Variants in LARGE1 observed in about 807,000 individuals in gnomAD.
The protein encoded by LARGE1 is LARGE xylosyl- and glucuronyltransferase 1, also known as xylosyl- and glucuronyltransferase LARGE1.
Under a neutral mutation model 87.6 loss-of-function variants are expected in LARGE1, and 43 were observed. The observed-to-expected ratio is 0.49, with a 90% CI of 0.38 to 0.63. The LOEUF is 0.63. LARGE1 is among the 30% of genes least tolerant of loss of function. LARGE1 has a pLI of 0.00. For missense variants in LARGE1, 802 were observed against 1,000.2 expected (o/e 0.80, Z 2.67); for synonymous variants, 434 against 394.6 (o/e 1.10, Z -1.18).
chr22:33,805,990 A>T (rs934137068), intron 1 of LARGE1, among the ~76,000 whole-genome samples: 6 of 152,210 alleles, frequency 3.9e-5, no homozygotes, highest in African/African-American at 1.4e-4. Context: ...AGAGGCATTT[A>T]TTTAGTGCAT....
intron 2 of LARGE1, among the ~76,000 whole-genome samples, chr22:33,734,144 T>C (rs1414944039): frequency 6.6e-6 from 1 of 152,188 alleles, no homozygotes; most frequent in African/African-American, 2.4e-5. Flanking sequence ...TGTGTCCAAA[T>C]TTCCCCTCTG....
rs554000525 is a variant in LARGE1, at chr22:33,903,192, T to C, written c.-83+16803A>G. On this transcript the variant is annotated intron_variant, in intron 1 of 14. Transcript: ENST00000397394. ...CATTAGGGTGGGCCCTAATCTACTATGACTGATGTCCTAATAACAGGAAGA... is the reference window on the plus strand; with the variant it reads ...CATTAGGGTGGGCCCTAATCTACTACGACTGATGTCCTAATAACAGGAAGA... 3.9e-4 allele frequency among the ~76,000 whole-genome samples: 59 copies of C among 152,288 alleles called. 1 individual carries two copies. The South Asian group carries it at 0.012, about 32-fold the overall frequency.
At chr22:33,340,980 T>G (rs891958747) in intron 9 of LARGE1, among the ~76,000 whole-genome samples, 1 of 149,342 alleles carries the variant, frequency 6.7e-6, no homozygotes, top group African/African-American at 2.6e-5. Context: ...AGCTTTTCCC[T>G]CAATAGCCCC....
chr22:33,918,057 T>G (rs530964969), intron 1 of LARGE1, among the ~76,000 whole-genome samples: 8 of 152,292 alleles, frequency 5.3e-5, no homozygotes, highest in African/African-American at 1.7e-4. Flanking sequence ...GTGCATCAAC[T>G]TTAAAGCGCA....
chr22:33,104,103 C>A, the LARGE1 span, among the ~76,000 whole-genome samples: 1 of 151,994 alleles, frequency 6.6e-6, no homozygotes, highest in Non-Finnish European at 1.5e-5. Context: ...GATTTTTTTC[C>A]CCAGAGTATC....
intron 6 of LARGE1, among the ~76,000 whole-genome samples, chr22:33,434,615 T>C (rs978088078): frequency 6.6e-6 from 1 of 152,148 alleles, no homozygotes; most frequent in Non-Finnish European, 1.5e-5. Context: ...GGATCTTTTA[T>C]TGAATTTAGG....
the LARGE1 span, among the ~76,000 whole-genome samples, chr22:33,104,337 A>T: frequency 6.6e-6 from 1 of 152,230 alleles, no homozygotes; most frequent in African/African-American, 2.4e-5. Flanking sequence ...TCATACATGA[A>T]TGATTTCTGT....
intron 9 of LARGE1, among the ~76,000 whole-genome samples, chr22:33,345,988 T>C (rs1939698942): frequency 1.3e-5 from 2 of 152,126 alleles, no homozygotes; most frequent in African/African-American, 4.8e-5. Context: ...CATTAGAAAA[T>C]GGGTCTCCAT....
At chr22:33,597,762 G>A (rs1017868059) in intron 5 of LARGE1, among the ~76,000 whole-genome samples, 2 of 152,178 alleles carry the variant, frequency 1.3e-5, no homozygotes, top group Non-Finnish European at 2.9e-5. Context: ...TCGGGATCAC[G>A]CGCACCCCAG....
rs190038538 is a variant in LARGE1 at position 33,767,443 on chromosome 22, A to G, written c.-82-5885T>C. ...CATATATATGCATGTATATATATGT[A>G]TATATATAAGCTTTAATATATATAC... On this transcript the variant is annotated intron_variant, in intron 1 of 14. Transcript: ENST00000397394. 7.2e-3 allele frequency among the ~76,000 whole-genome samples: 1,071 copies of G among 148,718 alleles called. 11 individuals are homozygous for G. Among genetic ancestry groups the G allele is most frequent in the African/African-American group, 0.025 (1,028 of 40,900 alleles).
intron 4 of LARGE1, among the ~76,000 whole-genome samples, chr22:33,623,705 T>G (rs1475355722): frequency 7.5e-6 from 1 of 133,518 alleles, no homozygotes; most frequent in African/African-American, 2.8e-5. Flanking sequence ...TTAACTGATT[T>G]AAAAAAAAAA....
Position 33,304,506 on chromosome 22 carries a change from G to T in LARGE1, c.1453C>A (p.Leu485Ile). 6 of 1,589,346 alleles carry T rather than the reference G, an allele frequency of 3.8e-6. No individual in the cohort carries two copies. The highest frequency in any genetic ancestry group is 5.1e-6 in the Non-Finnish European group (6 of 1,167,708). The change falls in exon 12 of 15, where the codon CTC (leucine) becomes ATC (isoleucine). Residue 485 changes from leucine (L) to isoleucine (I), a missense_variant and splice_region_variant. Leu to Ile is a conservative substitution (Grantham distance 5). Transcript: ENST00000397394. ...TTGCAGATGGCCTCCAGCATCTGGAGCCTGGAAGAGACAGGGAGGGTGAGC... is the reference window on the plus strand; with the variant it reads ...TTGCAGATGGCCTCCAGCATCTGGATCCTGGAAGAGACAGGGAGGGTGAGC... ...TLVAQLSMDR[L>I]QMLEAICKHW...
intron 1 of LARGE1, among the ~76,000 whole-genome samples, chr22:33,854,465 G>A (rs940760600): frequency 1.3e-5 from 2 of 152,014 alleles, no homozygotes; most frequent in African/African-American, 4.8e-5. Flanking sequence ...TCCATCATGA[G>A]TCTTATTTTT....
the LARGE1 span, among the ~76,000 whole-genome samples, chr22:33,087,259 TA>T: frequency 7.9e-5 from 12 of 151,956 alleles, no homozygotes; most frequent in East Asian, 2.3e-3. Context: ...ATTTTTATAC[TA>T]AAAAATAATT....
chr22:33,907,566 T>C (rs984296851), intron 1 of LARGE1, among the ~76,000 whole-genome samples: 35 of 142,984 alleles, frequency 2.4e-4, no homozygotes, highest in Non-Finnish European at 4.7e-4. Context: ...TGTGAAGACA[T>C]TTCTTTTTTT....
the LARGE1 span, among the ~76,000 whole-genome samples, chr22:33,073,595 C>T: frequency 6.6e-6 from 1 of 152,118 alleles, no homozygotes; most frequent in Non-Finnish European, 1.5e-5. Flanking sequence ...CTCTCTCTAA[C>T]ACCCAACCCT....
chr22:33,446,841 G>A (rs1164678705), intron 6 of LARGE1, among the ~76,000 whole-genome samples: 1 of 152,190 alleles, frequency 6.6e-6, no homozygotes, highest in African/African-American at 2.4e-5. Context: ...CCTTGGAGTT[G>A]AGTGACACGG....
At chr22:33,726,038 A>C (rs2083262187) in intron 2 of LARGE1, 1 of 150,408 alleles carries the variant, frequency 6.6e-6, no homozygotes, top group Non-Finnish European at 1.5e-5. Context: ...ATAAGGAAGG[A>C]TTCTCCAGCC....
intron 9 of LARGE1, among the ~76,000 whole-genome samples, chr22:33,350,186 T>C (rs1043396901): frequency 2.0e-5 from 3 of 152,208 alleles, no homozygotes; most frequent in Non-Finnish European, 2.9e-5. Flanking sequence ...TCATGTTCAA[T>C]GTGTTGGGTT....
Sources: allele counts gnomAD v4.1 joint callset (sites outside exome capture counted in the v4.1 genomes callset), GRCh38; gene constraint gnomAD v4.1.1; transcripts MANE v1.5; gene names NCBI Gene and HGNC (gene_info 2026-07-23, HGNC 2026-07-21).